The following SAMTOR variants were observed in gnomAD, a reference collection of about 807,000 sequenced individuals.
SAMTOR encodes the protein UPF0532 protein C7orf60.
the SAMTOR span, among the ~76,000 whole-genome samples, chr7:112,878,447 A>G: frequency 6.6e-6 from 1 of 152,198 alleles, no homozygotes; most frequent in Admixed American, 6.5e-5. Flanking sequence ...AGGGCTTCTG[A>G]GACTCCTAGG....
the SAMTOR span, among the ~76,000 whole-genome samples, chr7:112,902,583 A>G: frequency 1.3e-5 from 2 of 152,094 alleles, no homozygotes; most frequent in East Asian, 3.9e-4. Flanking sequence ...TTCAAAAACC[A>G]TAGAATGTAC....
chr7:112,907,838 C>CTTATTTAT, the SAMTOR span, among the ~76,000 whole-genome samples: 1,392 of 118,930 alleles, frequency 0.012, 13 homozygotes, highest in African/African-American at 0.035. Context: ...GGTATTCTTA[C>CTTATTTAT]TTACTTATTT....
At chr7:112,819,691 G>C in the SAMTOR span, 7 of 152,472 alleles carry the variant, frequency 4.6e-5, no homozygotes, top group African/African-American at 1.4e-4. Flanking sequence ...GCACACTTTG[G>C]AGCATAAGCA....
the SAMTOR span, among the ~76,000 whole-genome samples, chr7:112,925,431 T>C: frequency 6.6e-6 from 1 of 152,214 alleles, no homozygotes; most frequent in Admixed American, 6.5e-5. Flanking sequence ...TGATAACATA[T>C]ACCTGGGAAA....
chr7:112,862,357 T>C, the SAMTOR span, among the ~76,000 whole-genome samples: 4 of 152,226 alleles, frequency 2.6e-5, no homozygotes, highest in African/African-American at 9.6e-5. Context: ...CTCAATGTTG[T>C]CATCTCCATA....
At chr7:112,874,557 A>C in the SAMTOR span, among the ~76,000 whole-genome samples, 9 of 152,232 alleles carry the variant, frequency 5.9e-5, no homozygotes, top group African/African-American at 1.9e-4. Context: ...TCACTATCTG[A>C]GTGATGGTAT....
At chr7:112,919,484 C>T in the SAMTOR span, among the ~76,000 whole-genome samples, 1 of 151,512 alleles carries the variant, frequency 6.6e-6, no homozygotes, top group Non-Finnish European at 1.5e-5. Flanking sequence ...TAAATGCCCA[C>T]AAGAGAAAGC....
the SAMTOR span, among the ~76,000 whole-genome samples, chr7:112,923,858 C>T: frequency 6.6e-6 from 1 of 152,010 alleles, no homozygotes; most frequent in South Asian, 2.1e-4. Context: ...GAATACTATG[C>T]CGCCATAAAA....
the SAMTOR span, among the ~76,000 whole-genome samples, chr7:112,855,108 A>G: frequency 2.6e-5 from 4 of 152,224 alleles, no homozygotes; most frequent in African/African-American, 9.6e-5. Context: ...ACCAAAGGTC[A>G]TATGGCTAAT....
At chr7:112,869,622 C>T in the SAMTOR span, among the ~76,000 whole-genome samples, 15 of 152,078 alleles carry the variant, frequency 9.9e-5, no homozygotes, top group East Asian at 2.9e-3. Flanking sequence ...CCAGTTTCCT[C>T]GGATGAGAAG....
the SAMTOR span, among the ~76,000 whole-genome samples, chr7:112,897,573 A>G: frequency 3.3e-5 from 5 of 152,198 alleles, no homozygotes; most frequent in Non-Finnish European, 7.3e-5. Context: ...CTCAAAAAAC[A>G]TACAGATCAA....
the SAMTOR span, among the ~76,000 whole-genome samples, chr7:112,849,093 T>TC: frequency 6.6e-6 from 1 of 151,870 alleles, no homozygotes; most frequent in Admixed American, 6.6e-5. Flanking sequence ...ACTACTTTTT[T>TC]CCCCTACCCT....
At chr7:112,855,693 C>T in the SAMTOR span, among the ~76,000 whole-genome samples, 1 of 152,118 alleles carries the variant, frequency 6.6e-6, no homozygotes, top group Non-Finnish European at 1.5e-5. Context: ...CTCTTTTCCC[C>T]TCCTCTTCTG....
the SAMTOR span, among the ~76,000 whole-genome samples, chr7:112,884,508 C>T: frequency 6.6e-6 from 1 of 152,140 alleles, no homozygotes; most frequent in East Asian, 1.9e-4. Flanking sequence ...AGAAATTGGC[C>T]AAAACAAAGG....
chr7:112,850,504 G>C, the SAMTOR span, among the ~76,000 whole-genome samples: 2 of 152,154 alleles, frequency 1.3e-5, no homozygotes, highest in Non-Finnish European at 2.9e-5. Context: ...GCATCTGGTA[G>C]AGCTGGCTGT....
chr7:112,890,577 C>T, the SAMTOR span, among the ~76,000 whole-genome samples: 1 of 151,860 alleles, frequency 6.6e-6, no homozygotes, highest in Non-Finnish European at 1.5e-5. Flanking sequence ...AGTAAATGGA[C>T]TCTTGAGTGA....
At chr7:112,922,589 G>A in the SAMTOR span, among the ~76,000 whole-genome samples, 1 of 151,112 alleles carries the variant, frequency 6.6e-6, no homozygotes, top group Non-Finnish European at 1.5e-5. Context: ...TGAGATGTGG[G>A]GAGCGCCTCT....
the SAMTOR span, among the ~76,000 whole-genome samples, chr7:112,884,971 G>A: frequency 6.6e-6 from 1 of 152,232 alleles, no homozygotes; most frequent in Non-Finnish European, 1.5e-5. Flanking sequence ...AATCTAGGCA[G>A]AGGTTCCCAA....
the SAMTOR span, among the ~76,000 whole-genome samples, chr7:112,918,094 G>A: frequency 2.0e-5 from 3 of 152,100 alleles, no homozygotes; most frequent in Admixed American, 6.5e-5. Context: ...GAAATACAGA[G>A]AACGCCACAA....
Sources: gnomAD v4.1 joint callset for allele counts (sites outside exome capture counted in the v4.1 genomes callset) on GRCh38, gnomAD v4.1.1 for gene constraint, MANE v1.5 for transcripts, NCBI Gene and HGNC (gene_info 2026-07-23, HGNC 2026-07-21) for gene names.